UGT1A7: variants seen among roughly 807,000 people sequenced by gnomAD.
UGT1A7 encodes UDP glucuronosyltransferase family 1 member A7, also known as UDP-glucuronosyltransferase 1A7.
A neutral mutation model predicts 45.6 loss-of-function variants in UGT1A7; 33 were observed. The observed-to-expected ratio is 0.72, with a 90% CI of 0.55 to 0.97. UGT1A7 has a LOEUF of 0.97. Among genes scored for constraint, UGT1A7 ranks in the 50% least tolerant of loss-of-function variants. The pLI, the probability that UGT1A7 is intolerant of heterozygous loss-of-function variation, is 0.00. For missense variants in UGT1A7, 684 were observed against 666.2 expected, an observed-to-expected ratio of 1.03 and a Z score of -0.29; for synonymous variants, 274 against 250.6, an observed-to-expected ratio of 1.09 and a Z score of -0.88.
intron 1 of UGT1A7, chr2:233,693,238 T>G (rs1048987218): frequency 6.2e-7 from 1 of 1,614,024 alleles, no homozygotes; most frequent in African/African-American, 1.3e-5. Context: ...GAAAAATCTA[T>G]CCAGTGCCGT....
At chr2:233,732,716 G>A (rs2078304565) in intron 1 of UGT1A7, among the ~76,000 whole-genome samples, 1 of 148,658 alleles carries the variant, frequency 6.7e-6, no homozygotes, top group Non-Finnish European at 1.5e-5. Flanking sequence ...TAGCCTTGTA[G>A]TACAGTTTGA....
intron 1 of UGT1A7, among the ~76,000 whole-genome samples, chr2:233,763,176 T>C (rs1474049260): frequency 6.6e-6 from 1 of 152,268 alleles, no homozygotes; most frequent in Admixed American, 6.5e-5. Context: ...GTTGACTACA[T>C]ATTTGTTGTT....
chr2:233,747,064 G>A (rs904041772), intron 1 of UGT1A7: 9 of 934,146 alleles, frequency 9.6e-6, no homozygotes, highest in African/African-American at 1.7e-5. Flanking sequence ...TTGGTTAATC[G>A]GTAATAATTA....
intron 4 of UGT1A7, 74 bp from the exon 5 acceptor site, chr2:233,772,188 C>A (rs1559419594): frequency 1.1e-5 from 17 of 1,595,306 alleles, no homozygotes; most frequent in Middle Eastern, 2.0e-4. Context: ...TCTTCTTAAG[C>A]AGCCATGAGC....
chr2:233,765,271 A>T (rs1304943144), intron 1 of UGT1A7, among the ~76,000 whole-genome samples: 1 of 152,224 alleles, frequency 6.6e-6, no homozygotes, highest in Admixed American at 6.5e-5. Flanking sequence ...TACCCAAAGA[A>T]ATATAAATTA....
intron 1 of UGT1A7, among the ~76,000 whole-genome samples, chr2:233,706,158 T>C (rs781682241): frequency 2.0e-5 from 3 of 152,190 alleles, no homozygotes; most frequent in Non-Finnish European, 4.4e-5. Context: ...GAGAACCTTC[T>C]AAATGTGGAA....
In UGT1A7 at chr2:233,764,214, G is replaced by A. The variant is rs17864706; in HGVS notation, c.856-2820G>A. On this transcript the variant is annotated intron_variant, in intron 1 of 4. Transcript: ENST00000373426. ...GGGGCATCTCATCTTTTCTTTGAAG[G>A]GAATCAATGGTGGGGGATTGGAGTG... 2.6e-3 allele frequency among the ~76,000 whole-genome samples: 394 copies of A among 152,268 alleles called. 1 individual carries two copies. Among genetic ancestry groups the A allele is most frequent in the Non-Finnish European group, 3.9e-3 (266 of 68,024 alleles).
intron 1 of UGT1A7, chr2:233,729,388 G>T: frequency 1.2e-6 from 2 of 1,613,884 alleles, no homozygotes; most frequent in Non-Finnish European, 1.7e-6. Context: ...GACCCAGGAT[G>T]AATTTGATCG....
intron 1 of UGT1A7, among the ~76,000 whole-genome samples, chr2:233,702,063 A>T (rs2125588701): frequency 6.6e-6 from 1 of 152,360 alleles, no homozygotes; most frequent in South Asian, 2.1e-4. Context: ...CACTAATTTT[A>T]ATGGTTTTTG....
intron 2 of UGT1A7, 137 bp downstream of exon 2, chr2:233,767,302 A>C (rs951994488): frequency 6.5e-7 from 1 of 1,534,936 alleles, no homozygotes; most frequent in Non-Finnish European, 8.7e-7. Context: ...TATTAATCCA[A>C]AGGTTTTTTT....
At chr2:233,684,375 A>G (rs1165542041) in intron 1 of UGT1A7, among the ~76,000 whole-genome samples, 5 of 152,172 alleles carry the variant, frequency 3.3e-5, no homozygotes, top group Non-Finnish European at 7.3e-5. Flanking sequence ...TTTACCCTCC[A>G]TCAATTACAG....
intron 1 of UGT1A7, among the ~76,000 whole-genome samples, chr2:233,766,269 TCGGTGGCCC>T (rs2126023765): frequency 2.9e-5 from 2 of 67,956 alleles, no homozygotes; most frequent in East Asian, 5.0e-4. Flanking sequence ...TGGCCCGGGC[TCGGTGGCCC>T]GGGCTCGGTG....
chr2:233,702,191 C>T (rs1424495511), intron 1 of UGT1A7, among the ~76,000 whole-genome samples: 1 of 152,184 alleles, frequency 6.6e-6, no homozygotes. Flanking sequence ...TCCTCCAGCC[C>T]CTGGCAGCCA....
Position 233,743,607 on chromosome 2 carries a change from A to G in UGT1A7, c.856-23427A>G, listed in dbSNP as rs531629615. 1.8e-5 allele frequency: 24 copies of G among 1,367,342 alleles called. No homozygotes were observed. In the East Asian group the frequency reaches 1.0e-3, roughly 57 times the overall value. 84.7% of individuals were successfully genotyped at this position (1,367,342 alleles called of 1,614,324 possible). A position where few individuals can be genotyped will look rare whatever the true frequency, so the allele number is the denominator to read the frequency against. The stretch of plus-strand genomic sequence containing the variant: ...AAGGAGAATGGGTCCTGGCCGCCGA[A>G]GAACTCCCTGAAGACGTCGGCTGGG... On this transcript the variant is annotated intron_variant, in intron 1 of 4. Transcript: ENST00000373426.
At position 233,764,579 on chromosome 2, in the gene UGT1A7, G is replaced by A. The variant is rs530578816; in HGVS notation, c.856-2455G>A. Among the ~76,000 whole-genome samples, 7 of 152,190 alleles carry A rather than the reference G, an allele frequency of 4.6e-5. No individual in the cohort carries two copies. The East Asian group carries it at 1.2e-3, about 25-fold the overall frequency. On this transcript the variant is annotated intron_variant, in intron 1 of 4. Transcript: ENST00000373426. ...TGTGCCTGGAGGAGAACTTAGACTC[G>A]GCCTTTTCCAGATGAGCTTCAGTGT...
chr2:233,767,208 G>A (rs1699334912), intron 2 of UGT1A7, 43 bp downstream of exon 2: 1 of 1,612,972 alleles, frequency 6.2e-7, no homozygotes, highest in Non-Finnish European at 8.5e-7. Context: ...ATTTTCACAG[G>A]AGCGCTAATC....
At chr2:233,697,848 C>G (rs2075412973) in intron 1 of UGT1A7, among the ~76,000 whole-genome samples, 2 of 151,974 alleles carry the variant, frequency 1.3e-5, no homozygotes, top group African/African-American at 4.8e-5. Context: ...AGTTAGTAAG[C>G]AAAAGTTATG....
intron 1 of UGT1A7, among the ~76,000 whole-genome samples, chr2:233,684,769 G>C (rs906347974): frequency 2.0e-5 from 3 of 152,104 alleles, no homozygotes; most frequent in Admixed American, 6.5e-5. Context: ...AGATCATAAA[G>C]AGTGCCCTTT....
In UGT1A7 at chr2:233,720,871, A is replaced by ATTTT. The variant is rs60621337; in HGVS notation, c.855+38095_855+38098dup. Among the ~76,000 whole-genome samples, 199 of 132,762 alleles carry ATTTT rather than the reference A, an allele frequency of 1.5e-3. 2 individuals carry two copies. Among genetic ancestry groups the ATTTT allele is most frequent in the African/African-American group, 3.9e-3 (137 of 34,978 alleles). 87.1% of individuals were successfully genotyped at this position (132,762 alleles called of 152,430 possible). On this transcript the variant is annotated intron_variant, in intron 1 of 4. Coordinates refer to ENST00000373426, the MANE Select transcript of UGT1A7 (RefSeq NM_019077.3). Reference sequence around the variant, plus strand: ...CAGGCATGTGCCACTGCTCCTGGCAATTTTTTTTTTTTTTTTTTTAGTAGA... The same window carrying ATTTT: ...CAGGCATGTGCCACTGCTCCTGGCAATTTTTTTTTTTTTTTTTTTTTTTAGTAGA...
Sources: gnomAD v4.1 joint callset for allele counts (sites outside exome capture counted in the v4.1 genomes callset) on GRCh38, gnomAD v4.1.1 for gene constraint, MANE v1.5 for transcripts, NCBI Gene and HGNC (gene_info 2026-07-23, HGNC 2026-07-21) for gene names.